CFAP47: variants seen among roughly 807,000 people sequenced by gnomAD.
CFAP47 encodes cilia- and flagella-associated protein 47.
CFAP47 carries 29 observed loss-of-function variants against 148.1 expected under a neutral mutation model. The observed-to-expected ratio is 0.20, with a 90% confidence interval of 0.15 to 0.27. The LOEUF is 0.27. Ranked by LOEUF, CFAP47 falls within the 10% of genes least tolerant of loss-of-function variation. The pLI is 1.00. For missense variants in CFAP47, 1,872 were observed against 1,697.5 expected (o/e 1.10, Z -1.81); for synonymous variants, 664 against 577.3 (o/e 1.15, Z -2.15).
chrX:36,109,905 C>G (rs1179285990), intron 33 of CFAP47, among the ~76,000 whole-genome samples: 1 of 112,100 alleles, frequency 8.9e-6, no homozygotes, highest in Non-Finnish European at 1.9e-5. Context: ...GCATGTATGT[C>G]TTTTGAAAAG....
intron 45 of CFAP47, among the ~76,000 whole-genome samples, chrX:36,208,481 G>A (rs1940063549): frequency 9.1e-6 from 1 of 109,429 alleles, no homozygotes; most frequent in Non-Finnish European, 1.9e-5. Context: ...CACAGACACT[G>A]TATTTTCTGT....
intron 27 of CFAP47, among the ~76,000 whole-genome samples, chrX:36,066,907 A>T (rs6632469): frequency 0.25 from 27,721 of 110,882 alleles, 4,757 homozygotes; most frequent in African/African-American, 0.61. Flanking sequence ...ACAATTAGAA[A>T]ACTTCAACTG....
chrX:36,258,937 A>G (rs1268570183), intron 49 of CFAP47, among the ~76,000 whole-genome samples: 3 of 112,026 alleles, frequency 2.7e-5, no homozygotes, highest in African/African-American at 9.7e-5. Context: ...CACTTCAACT[A>G]CCAATATTAT....
At chrX:35,971,448 G>A (rs1425250001) in intron 11 of CFAP47, 138 bp from the exon 12 acceptor site, 2 of 398,632 alleles carry the variant, frequency 5.0e-6, no homozygotes, top group East Asian at 4.0e-5. Flanking sequence ...ATTTTATGTG[G>A]ATTAGTGCAC....
At chrX:36,038,938 G>A (rs1356980522) in intron 24 of CFAP47, 46 bp from the exon 25 acceptor site, 2 of 649,717 alleles carry the variant, frequency 3.1e-6, no homozygotes, top group South Asian at 9.5e-5. Flanking sequence ...AATTTTTTGT[G>A]TGTTTTAACT....
intron 8 of CFAP47, among the ~76,000 whole-genome samples, chrX:35,957,261 A>T (rs1158487524): frequency 1.8e-5 from 2 of 108,898 alleles, no homozygotes; most frequent in Admixed American, 2.0e-4. Flanking sequence ...CCTATGCCTC[A>T]TGGAGCCTAA....
chrX:36,199,778 A>G (rs781809361), intron 42 of CFAP47, among the ~76,000 whole-genome samples: 1 of 111,859 alleles, frequency 8.9e-6, no homozygotes, highest in Admixed American at 9.5e-5. Flanking sequence ...AGTGGCCTCA[A>G]GAAGTAATTA....
chrX:36,126,204 T>C (rs751966686), intron 33 of CFAP47, among the ~76,000 whole-genome samples: 54 of 109,406 alleles, frequency 4.9e-4, no homozygotes, highest in African/African-American at 1.6e-3. Context: ...CATCACCCAA[T>C]ACCTAACATT....
chrX:35,920,892 A>G (rs1029995953), intron 1 of CFAP47, among the ~76,000 whole-genome samples: 1 of 112,087 alleles, frequency 8.9e-6, no homozygotes, highest in African/African-American at 3.2e-5. Flanking sequence ...TTTAGATTAA[A>G]TTTACATATA....
chrX:36,088,961 G>A (rs1176337979), intron 30 of CFAP47, among the ~76,000 whole-genome samples: 1 of 111,714 alleles, frequency 9.0e-6, no homozygotes, highest in Non-Finnish European at 1.9e-5. Context: ...ATTCCACTAA[G>A]TTTTTAAATA....
intron 39 of CFAP47, among the ~76,000 whole-genome samples, chrX:36,175,353 C>T (rs190560125): frequency 0.02 from 2,242 of 112,171 alleles, 33 homozygotes; most frequent in Non-Finnish European, 0.031. Context: ...GAACTGCGTT[C>T]CTTTGGAGGA....
intron 45 of CFAP47, among the ~76,000 whole-genome samples, chrX:36,206,529 G>T (rs1555988796): frequency 9.0e-6 from 1 of 111,557 alleles, no homozygotes; most frequent in African/African-American, 3.2e-5. Context: ...GTTATATATA[G>T]ACACATATAG....
chrX:36,273,247 G>C (rs1457186325), intron 49 of CFAP47, among the ~76,000 whole-genome samples: 3 of 111,493 alleles, frequency 2.7e-5, no homozygotes, highest in East Asian at 2.8e-4. Flanking sequence ...GAAAAAACTT[G>C]ATTAAAAAAG....
chrX:36,146,709 C>A (rs1939237696), intron 36 of CFAP47, among the ~76,000 whole-genome samples: 1 of 111,203 alleles, frequency 9.0e-6, no homozygotes, highest in Non-Finnish European at 1.9e-5. Flanking sequence ...TTACCACCAA[C>A]CCTATCAATG....
At chrX:36,031,130 A>T (rs184682574) in intron 22 of CFAP47, 123 bp from the exon 23 acceptor site, 55 of 255,485 alleles carry the variant, frequency 2.2e-4, no homozygotes, top group East Asian at 3.3e-4. Flanking sequence ...CTGGTTGGGA[A>T]TATAAAAATA....
chrX:36,117,862 T>G (rs1601990631), intron 33 of CFAP47, among the ~76,000 whole-genome samples: 1 of 111,696 alleles, frequency 9.0e-6, no homozygotes, highest in African/African-American at 3.3e-5. Context: ...TTGTAGTAAT[T>G]TTATAGTTTG....
intron 33 of CFAP47, among the ~76,000 whole-genome samples, chrX:36,137,639 T>C (rs1371449575): frequency 1.8e-5 from 2 of 110,813 alleles, no homozygotes; most frequent in African/African-American, 6.5e-5. Context: ...TGATTAAACA[T>C]TTGAACCTCA....
chrX:35,961,161 G>T lies in CFAP47; in HGVS notation c.1410+4965G>T, dbSNP rs370506264. On this transcript the variant is annotated intron_variant, in intron 8 of 63. Coordinates refer to ENST00000378653, the MANE Select transcript of CFAP47 (RefSeq NM_001304548.2). ...AGAGTGTGCATTACATTGACATATG[G>T]ATATTAAACTTGAAATCATACTTGT... Among the ~76,000 whole-genome samples, 10 of 111,740 alleles carry T rather than the reference G, an allele frequency of 8.9e-5. No homozygotes were observed. In the East Asian group the frequency reaches 2.5e-3, roughly 28 times the overall value.
chrX:35,951,326 C>T lies in CFAP47; in HGVS notation c.852C>T (p.Ala284=). The change falls in exon 5 of 64, where the codon GCC becomes GCT. Residue 284 remains alanine, a synonymous_variant. Transcript: ENST00000378653. ...GCCCAGAGCCCATAAATTGGGTGGC[C>T]ATCATACAAGATGATGCCGTGGGAG... ...NNSPEPINWV[A]IIQDDAVGEE... 2.5e-6 allele frequency: 3 copies of T among 1,204,093 alleles called. No homozygotes were observed. Among genetic ancestry groups the T allele is most frequent in the Non-Finnish European group, 1.1e-6 (1 of 889,072 alleles).
Sources: gnomAD v4.1 joint callset for allele counts (sites outside exome capture counted in the v4.1 genomes callset) on GRCh38, gnomAD v4.1.1 for gene constraint, MANE v1.5 for transcripts, NCBI Gene and HGNC (gene_info 2026-07-23, HGNC 2026-07-21) for gene names.